The following PCDHA6 variants were observed in gnomAD, a reference collection of about 807,000 sequenced individuals.
PCDHA6 encodes protocadherin alpha 6.
Under a neutral mutation model 60.3 loss-of-function variants are expected in PCDHA6, and 55 were observed. The observed-to-expected ratio is 0.91, with a 90% CI of 0.73 to 1.14. The LOEUF (loss-of-function observed/expected upper bound fraction) is 1.14, where lower values mean the gene tolerates loss of function less well. PCDHA6 is among the 50% of genes most tolerant of loss of function. The probability of loss-of-function intolerance (pLI) is 0.00; values close to 1 mark genes in which losing one functional copy is unlikely to be tolerated. For missense variants in PCDHA6, 1,327 were observed against 1,256.5 expected (o/e 1.06, Z -0.85); for synonymous variants, 652 against 557.9 (o/e 1.17, Z -2.38).
At chr5:140,879,555 C>A (rs1278975106) in intron 1 of PCDHA6, among the ~76,000 whole-genome samples, 1 of 152,048 alleles carries the variant, frequency 6.6e-6, no homozygotes, top group African/African-American at 2.4e-5. Flanking sequence ...AAAAATAATC[C>A]ATGAAAGAAT....
Position 140,829,383 on chromosome 5 carries a change from G to C in PCDHA6, c.1292G>C (p.Gly431Ala). The change falls in exon 1 of 4, where the codon GGC becomes GCC. Residue 431 changes from glycine to alanine, a missense_variant. Coordinates refer to ENST00000529310, the MANE Select transcript of PCDHA6 (RefSeq NM_018909.4). ...YELVVTARDGGSPSLWATASL... is the reference protein window; with the variant it reads ...YELVVTARDGASPSLWATASL... ...TTGGTGGTAACCGCGCGGGACGGGGGCTCGCCTTCGCTGTGGGCCACCGCC... is the reference window on the plus strand; with the variant it reads ...TTGGTGGTAACCGCGCGGGACGGGGCCTCGCCTTCGCTGTGGGCCACCGCC... 2 of 1,614,186 alleles carry C rather than the reference G, an allele frequency of 1.2e-6. No homozygotes were observed. The highest frequency in any genetic ancestry group is 1.7e-4 in the Middle Eastern group (1 of 6,044).
intron 1 of PCDHA6, among the ~76,000 whole-genome samples, chr5:140,871,977 C>T (rs533366368): frequency 6.6e-6 from 1 of 152,288 alleles, no homozygotes; most frequent in East Asian, 1.9e-4. Flanking sequence ...CTATGATGTC[C>T]AGGTTGGACT....
intron 1 of PCDHA6, chr5:140,968,562 C>G: frequency 6.2e-7 from 1 of 1,614,208 alleles, no homozygotes; most frequent in South Asian, 1.1e-5. Flanking sequence ...CGAACTGCCC[C>G]TGCTGGCTAC....
intron 1 of PCDHA6, among the ~76,000 whole-genome samples, chr5:140,833,662 C>T (rs1772571447): frequency 6.6e-6 from 1 of 152,130 alleles, no homozygotes; most frequent in South Asian, 2.1e-4. Context: ...AATTCTTCCC[C>T]TTCAAAGATT....
At position 141,004,143 on chromosome 5, in the gene PCDHA6, C is replaced by T. The variant is rs1023273119; in HGVS notation, c.2543-5484C>T. 2.6e-5 allele frequency among the ~76,000 whole-genome samples: 4 copies of T among 152,252 alleles called. No homozygotes were observed. In the East Asian group the frequency reaches 7.7e-4, roughly 29 times the overall value. ...TATCTCCATGATTCTGCCCCAAAGG[C>T]ATGACATTTTATAGGCAAAGCCAGC... On this transcript the variant is annotated intron_variant, in intron 3 of 3. Transcript: ENST00000529310.
At chr5:140,843,290 C>T in intron 1 of PCDHA6, 2 of 1,595,968 alleles carry the variant, frequency 1.3e-6, no homozygotes, top group Non-Finnish European at 1.7e-6. Context: ...TCATGGTGAA[C>T]CTGCGCTGAC....
chr5:140,834,291 G>A, intron 1 of PCDHA6: 1 of 1,201,540 alleles, frequency 8.3e-7, no homozygotes, highest in Non-Finnish European at 1.2e-6. Context: ...CACAACAATG[G>A]CCACACATCG....
intron 1 of PCDHA6, among the ~76,000 whole-genome samples, chr5:140,916,853 T>G (rs1233420106): frequency 1.3e-5 from 2 of 152,160 alleles, no homozygotes; most frequent in East Asian, 3.9e-4. Flanking sequence ...AGCCCAGCAC[T>G]AGGAGTTACC....
chr5:140,883,184 G>T (rs1341554668), intron 1 of PCDHA6: 10 of 1,613,756 alleles, frequency 6.2e-6, no homozygotes, highest in Non-Finnish European at 8.5e-6. Flanking sequence ...TAGGACAAAA[G>T]GCAAACTAGA....
At chr5:140,863,313 G>C (rs782656693) in intron 1 of PCDHA6, 5 of 1,460,034 alleles carry the variant, frequency 3.4e-6, no homozygotes, top group Non-Finnish European at 4.6e-6. Flanking sequence ...TCTGCGTGGT[G>C]TCCAGCCTGT....
At chr5:140,940,764 G>C (rs977154290) in intron 1 of PCDHA6, among the ~76,000 whole-genome samples, 1 of 152,080 alleles carries the variant, frequency 6.6e-6, no homozygotes, top group Non-Finnish European at 1.5e-5. Context: ...ACTTTTATTT[G>C]ACTTTTGATG....
At chr5:140,862,638 C>T (rs782579250) in intron 1 of PCDHA6, 2 of 539,918 alleles carry the variant, frequency 3.7e-6, no homozygotes, top group African/African-American at 1.9e-5. Flanking sequence ...GCCACGACTT[C>T]ACAGTGTCCG....
At chr5:140,838,873 C>T (rs1006134585) in intron 1 of PCDHA6, among the ~76,000 whole-genome samples, 8 of 151,796 alleles carry the variant, frequency 5.3e-5, no homozygotes, top group Non-Finnish European at 1.0e-4. Context: ...AGTTATCATG[C>T]CACTGAACTC....
chr5:140,917,256 T>C (rs1043140553), intron 1 of PCDHA6, among the ~76,000 whole-genome samples: 6 of 151,524 alleles, frequency 4.0e-5, no homozygotes, highest in African/African-American at 7.3e-5. Context: ...ATTGCTCACC[T>C]GATGTTTGGT....
intron 1 of PCDHA6, chr5:140,966,878 G>A (rs2096064555): frequency 6.3e-7 from 1 of 1,587,174 alleles, no homozygotes; most frequent in African/African-American, 1.3e-5. Flanking sequence ...GCTGCTACCT[G>A]GCCCTGCGGC....
intron 1 of PCDHA6, chr5:140,857,387 G>A (rs369919324): frequency 2.5e-6 from 4 of 1,598,586 alleles, no homozygotes; most frequent in Admixed American, 1.7e-5. Flanking sequence ...GGTGGCCGAC[G>A]TGAACGACAA....
chr5:140,998,826 AGTGCTGGATTACTG>A (rs1301277298), intron 3 of PCDHA6, among the ~76,000 whole-genome samples: 1 of 152,240 alleles, frequency 6.6e-6, no homozygotes, highest in Non-Finnish European at 1.5e-5. Flanking sequence ...GGCCTCCCAA[AGTGCTGGATTACTG>A]GTGTGAGCCA....
intron 1 of PCDHA6, chr5:140,857,903 A>C (rs1554150826): frequency 6.3e-7 from 1 of 1,597,806 alleles, no homozygotes; most frequent in East Asian, 2.2e-5. Context: ...TGGTGCACGC[A>C]TCCCGTTTCG....
intron 1 of PCDHA6, chr5:140,843,770 C>A: frequency 6.8e-7 from 1 of 1,463,438 alleles, no homozygotes; most frequent in Non-Finnish European, 9.4e-7. Flanking sequence ...ATTGTAGTTA[C>A]TTTAAAAGTG....
Sources: allele counts gnomAD v4.1 joint callset (sites outside exome capture counted in the v4.1 genomes callset), GRCh38; gene constraint gnomAD v4.1.1; transcripts MANE v1.5; gene names NCBI Gene and HGNC (gene_info 2026-07-23, HGNC 2026-07-21).